SRPK1: variants seen among roughly 807,000 people sequenced by gnomAD.
SRPK1 encodes the protein SRSF protein kinase 1.
Under a neutral mutation model 89.5 loss-of-function variants are expected in SRPK1, and 52 were observed. That is an observed-to-expected ratio of 0.58 (90% confidence interval 0.46 to 0.73). The LOEUF (loss-of-function observed/expected upper bound fraction) is 0.73, where lower values mean the gene tolerates loss of function less well. SRPK1 is among the 30% of genes least tolerant of loss of function. SRPK1 has a pLI of 0.00. For missense variants in SRPK1, 603 were observed against 780.6 expected, an observed-to-expected ratio of 0.77 and a Z score of 2.71; for synonymous variants, 255 against 270.2, an observed-to-expected ratio of 0.94 and a Z score of 0.55.
chr6:35,920,689 G>A (rs1181990878), intron 1 of SRPK1, 161 bp from the exon 2 acceptor site: 2 of 314,878 alleles, frequency 6.4e-6, no homozygotes, highest in East Asian at 9.0e-5. Flanking sequence ...GGCGGCCCAC[G>A]GGGCGCAGAG....
chr6:35,899,233 T>C (rs1770690850), intron 2 of SRPK1, among the ~76,000 whole-genome samples: 1 of 152,178 alleles, frequency 6.6e-6, no homozygotes, highest in Admixed American at 6.5e-5. Flanking sequence ...ACAGATTTTT[T>C]TCCAATGGCC....
At chr6:35,911,295 G>A (rs1374583426) in intron 2 of SRPK1, among the ~76,000 whole-genome samples, 1 of 152,196 alleles carries the variant, frequency 6.6e-6, no homozygotes, top group African/African-American at 2.4e-5. Context: ...TGTGGAGGAA[G>A]TAACTACAGA....
intron 2 of SRPK1, among the ~76,000 whole-genome samples, chr6:35,915,997 T>TATACACACAC (rs1284737691): frequency 1.1e-4 from 10 of 90,228 alleles, no homozygotes; most frequent in Admixed American, 2.5e-4. Flanking sequence ...AAAAAATATA[T>TATACACACAC]ACACACACAC....
chr6:35,909,460 G>A (rs1770916568), intron 2 of SRPK1, among the ~76,000 whole-genome samples: 1 of 152,204 alleles, frequency 6.6e-6, no homozygotes, highest in Non-Finnish European at 1.5e-5. Context: ...AGGTGGAAGA[G>A]ACTTGTCTCA....
At chr6:35,849,970 T>C (rs745593887) in intron 13 of SRPK1, among the ~76,000 whole-genome samples, 1 of 151,988 alleles carries the variant, frequency 6.6e-6, no homozygotes, top group African/African-American at 2.4e-5. Flanking sequence ...GAAAGACAAA[T>C]ACTGCAACAC....
intron 7 of SRPK1, 85 bp downstream of exon 7, chr6:35,874,148 A>T (rs1770104460): frequency 8.4e-7 from 1 of 1,193,484 alleles, no homozygotes; most frequent in Non-Finnish European, 1.2e-6. Context: ...ATTCTATTGG[A>T]AAAAATAAAG....
At chr6:35,860,567 T>C (rs1769760764) in intron 12 of SRPK1, among the ~76,000 whole-genome samples, 1 of 152,154 alleles carries the variant, frequency 6.6e-6, no homozygotes, top group South Asian at 2.1e-4. Flanking sequence ...AGTCAATACG[T>C]TTCTCCACAA....
intron 13 of SRPK1, among the ~76,000 whole-genome samples, chr6:35,853,149 G>A (rs1397732879): frequency 6.6e-6 from 1 of 152,022 alleles, no homozygotes; most frequent in Non-Finnish European, 1.5e-5. Context: ...ATACTCGTTG[G>A]CGGGGGGAAG....
At chr6:35,891,105 C>A (rs933819729) in intron 2 of SRPK1, 92 bp from the exon 3 acceptor site, 1 of 1,436,978 alleles carries the variant, frequency 7.0e-7, no homozygotes, top group Non-Finnish European at 9.2e-7. Context: ...ACTAAACTTT[C>A]AGATAATATG....
At chr6:35,855,756 C>T (rs898442629) in intron 13 of SRPK1, among the ~76,000 whole-genome samples, 50 of 152,080 alleles carry the variant, frequency 3.3e-4, no homozygotes, top group Admixed American at 9.2e-4. Context: ...TTGGTTTTTT[C>T]GATGTTTCAT....
rs1198093284 is a variant in SRPK1, at chr6:35,886,760, G to A, written c.442C>T (p.Leu148=). ...DPNREMVVQL[L]DDFKISGVNG... ...ACTCCTGATATTTTAAAGTCATCTA[G>A]TAGTTGAACAACCATTTCTCTATTT... is the stretch of plus-strand genomic sequence containing the variant. Residue 148 remains leucine, a synonymous_variant, in exon 6 of 16, where the codon CTA becomes TTA. Coordinates refer to ENST00000373825, the MANE Select transcript of SRPK1 (RefSeq NM_003137.5). The A allele has an allele frequency of 1.2e-6, 2 of 1,610,572 alleles. No homozygotes were observed. The highest frequency in any genetic ancestry group is 4.5e-5 in the East Asian group (2 of 44,812).
intron 2 of SRPK1, among the ~76,000 whole-genome samples, chr6:35,913,805 G>GA (rs202235876): frequency 0.27 from 38,158 of 139,680 alleles, 5,360 homozygotes; most frequent in South Asian, 0.41. Context: ...CTCAAAAAAA[G>GA]AAAAAAAAAT....
intron 9 of SRPK1, 116 bp downstream of exon 9, chr6:35,870,818 G>A (rs1770020505): frequency 3.4e-6 from 3 of 883,698 alleles, no homozygotes; most frequent in Non-Finnish European, 5.1e-6. Flanking sequence ...AGAAGCGCAG[G>A]AATTTTTTTT....
chr6:35,913,302 A>C (rs1771013186), intron 2 of SRPK1, among the ~76,000 whole-genome samples: 2 of 152,214 alleles, frequency 1.3e-5, no homozygotes, highest in Non-Finnish European at 2.9e-5. Context: ...TCAATTTTGC[A>C]AGTAAATTTA....
intron 13 of SRPK1, among the ~76,000 whole-genome samples, chr6:35,843,150 A>G (rs896569135): frequency 6.6e-6 from 1 of 150,460 alleles, no homozygotes; most frequent in Non-Finnish European, 1.5e-5. Flanking sequence ...TTGTATTTTT[A>G]GTAGAGATGG....
At chr6:35,897,029 T>C (rs1052589557) in intron 2 of SRPK1, among the ~76,000 whole-genome samples, 1 of 152,150 alleles carries the variant, frequency 6.6e-6, no homozygotes, top group Non-Finnish European at 1.5e-5. Flanking sequence ...AGACAGAAAG[T>C]AGATTAGCGG....
chr6:35,892,785 T>C (rs1487910745), intron 2 of SRPK1, among the ~76,000 whole-genome samples: 1 of 152,226 alleles, frequency 6.6e-6, no homozygotes, highest in East Asian at 1.9e-4. Flanking sequence ...AATTTTTCAG[T>C]ATTTATTTAC....
chr6:35,835,149 T>C lies in SRPK1; in HGVS notation c.*155A>G. On this transcript the variant is annotated 3_prime_UTR_variant, in exon 16 of 16. Transcript: ENST00000373825. ...CTGTGGGGATCTCCACAGGGTCAAG[T>C]AAGCAAACCCAAATGAACATGTTGG... The C allele has an allele frequency of 1.3e-6, 1 of 742,904 alleles. No homozygotes were observed. The highest frequency in any genetic ancestry group is 2.1e-6 in the Non-Finnish European group (1 of 483,836). 46.0% of individuals were successfully genotyped at this position (742,904 alleles called of 1,614,324 possible). A position where few individuals can be genotyped will look rare whatever the true frequency, so the allele number is the denominator to read the frequency against.
At chr6:35,850,286 G>C (rs142639112) in intron 13 of SRPK1, among the ~76,000 whole-genome samples, 356 of 152,196 alleles carry the variant, frequency 2.3e-3, no homozygotes, top group Middle Eastern at 6.8e-3. Context: ...ATTTTGTTTA[G>C]AAGTCTACTT....
Sources: allele counts gnomAD v4.1 joint callset (sites outside exome capture counted in the v4.1 genomes callset), GRCh38; gene constraint gnomAD v4.1.1; transcripts MANE v1.5; gene names NCBI Gene and HGNC (gene_info 2026-07-23, HGNC 2026-07-21).